ADARB2: variants seen among roughly 807,000 people sequenced by gnomAD.
ADARB2 encodes adenosine deaminase RNA specific B2 (inactive).
Under a neutral mutation model 62.2 loss-of-function variants are expected in ADARB2, and 25 were observed. That is an observed-to-expected ratio of 0.40 (90% confidence interval 0.29 to 0.56). The LOEUF (loss-of-function observed/expected upper bound fraction) is 0.56. Among genes scored for constraint, ADARB2 ranks in the 20% least tolerant of loss-of-function variants. The pLI is 0.43. For synonymous variants in ADARB2, 572 were observed against 500.8 expected, an observed-to-expected ratio of 1.14 and a Z score of -1.90; for missense variants, 1,071 against 1,077.4, an observed-to-expected ratio of 0.99 and a Z score of 0.08.
chr10:1,580,464 C>T (rs55647518), intron 1 of ADARB2, among the ~76,000 whole-genome samples: 2,968 of 148,858 alleles, frequency 0.02, 77 homozygotes, highest in African/African-American at 0.063. Context: ...TATCTCTTCA[C>T]GGGTCTTTCT....
rs906932430 is a variant in ADARB2 at position 1,362,963 on chromosome 10, A to G, written c.1077+65T>C. On this transcript the variant is annotated intron_variant, in intron 3 of 9. Transcript: ENST00000381312. ...GCCTGGACGCCACTCCCAACAGGGA[A>G]AGGTCGGGGTCTCCCCCGCGCCCCC... 1.7e-5 allele frequency: 21 copies of G among 1,246,078 alleles called. No individual in the cohort carries two copies. In the African/African-American group the frequency reaches 2.8e-4, roughly 17 times the overall value. The allele number at this position is 1,246,078 out of a possible 1,614,324, so 77.2% of individuals were successfully genotyped here.
chr10:1,477,997 T>C lies in ADARB2; in HGVS notation c.101-98837A>G, dbSNP rs1831423460. ...GGTAAACTGTCCCACTGTGTGCCTG[T>C]GCTTGGGTTCTCTCCCTGTGAAAAA... is the stretch of plus-strand genomic sequence containing the variant. On this transcript the variant is annotated intron_variant, in intron 1 of 9. Transcript: ENST00000381312. The surrounding 1 kb of genome is among the most constrained non-coding windows in gnomAD (Gnocchi z 4.5). Among the ~76,000 whole-genome samples, 1 of 152,150 alleles carries C rather than the reference T, an allele frequency of 6.6e-6. No homozygotes were observed. Among genetic ancestry groups the C allele is most frequent in the Non-Finnish European group, 1.5e-5 (1 of 68,038 alleles).
At chr10:1,560,466 G>A (rs1056507980) in intron 1 of ADARB2, among the ~76,000 whole-genome samples, 6 of 80,612 alleles carry the variant, frequency 7.4e-5, no homozygotes, top group African/African-American at 1.6e-4. Context: ...GTGAACACAC[G>A]GGGGGCACCC....
chr10:1,325,826 C>G (rs552901511), intron 3 of ADARB2, among the ~76,000 whole-genome samples: 2 of 152,236 alleles, frequency 1.3e-5, no homozygotes, highest in South Asian at 2.1e-4. Flanking sequence ...TAAGAGCCAT[C>G]GACTGCCATT....
chr10:1,527,867 G>A (rs1240380911), intron 1 of ADARB2, among the ~76,000 whole-genome samples: 1 of 152,106 alleles, frequency 6.6e-6, no homozygotes, highest in Non-Finnish European at 1.5e-5. Flanking sequence ...ATGAGGGATG[G>A]GTCTTTGCTG....
In ADARB2 at chr10:1,363,921, G is replaced by C; in HGVS notation, c.188-4C>G. 1 of 1,463,636 alleles carries C rather than the reference G, an allele frequency of 6.8e-7. No individual in the cohort carries two copies. The highest frequency in any genetic ancestry group is 8.9e-7 in the Non-Finnish European group (1 of 1,119,126). 90.7% of individuals were successfully genotyped at this position (1,463,636 alleles called of 1,614,324 possible). A position where few individuals can be genotyped will look rare whatever the true frequency, so the allele number is the denominator to read the frequency against. On this transcript the variant is annotated splice_region_variant and splice_polypyrimidine_tract_variant and intron_variant, in intron 2 of 9. Coordinates refer to ENST00000381312, the MANE Select transcript of ADARB2 (RefSeq NM_018702.4). ...TTCACCTCCGCGCTGCTGGTACCTG[G>C]AGGGGAGAACAGACCAGTCAGGAGC...
intron 1 of ADARB2, among the ~76,000 whole-genome samples, chr10:1,411,944 AC>A (rs1253970400): frequency 6.6e-6 from 1 of 152,206 alleles, no homozygotes; most frequent in African/African-American, 2.4e-5. Context: ...GCTATTTAAA[AC>A]AGCCTTTACT....
chr10:1,341,344 C>A (rs1260718446), intron 3 of ADARB2, among the ~76,000 whole-genome samples: 1 of 147,790 alleles, frequency 6.8e-6, no homozygotes, highest in South Asian at 2.2e-4. Context: ...CAGAGAACAA[C>A]GTGCCCTGCA....
intron 3 of ADARB2, chr10:1,361,012 A>C (rs1832247933): frequency 6.6e-6 from 1 of 152,300 alleles, no homozygotes; most frequent in African/African-American, 2.4e-5. Flanking sequence ...TGCTTAACAG[A>C]TTCAACAGAA....
intron 1 of ADARB2, 26 bp downstream of exon 1, chr10:1,737,025 G>T (rs761966777): frequency 6.2e-7 from 1 of 1,607,008 alleles, no homozygotes; most frequent in South Asian, 1.1e-5. Context: ...AGGGGGGCAG[G>T]GGCCGGCGCG....
chr10:1,430,523 T>G (rs1456435168), intron 1 of ADARB2, among the ~76,000 whole-genome samples: 1 of 152,164 alleles, frequency 6.6e-6, no homozygotes, highest in African/African-American at 2.4e-5. Flanking sequence ...TAAATTACAA[T>G]GACATATATG....
chr10:1,549,269 G>A (rs1002642447), intron 1 of ADARB2, among the ~76,000 whole-genome samples: 2 of 152,140 alleles, frequency 1.3e-5, no homozygotes, highest in Admixed American at 6.5e-5. Context: ...AGCAGACATG[G>A]CTGAGTGTGT....
chr10:1,542,361 G>A lies in ADARB2; in HGVS notation c.101-163201C>T, dbSNP rs1238646450. 3.8e-4 allele frequency among the ~76,000 whole-genome samples: 4 copies of A among 10,426 alleles called. 1 individual carries two copies. Among genetic ancestry groups the A allele is most frequent in the African/African-American group, 1.2e-3 (4 of 3,402 alleles). 6.8% of individuals were successfully genotyped at this position (10,426 alleles called of 152,430 possible). A position where few individuals can be genotyped will look rare whatever the true frequency, so the allele number is the denominator to read the frequency against. On this transcript the variant is annotated intron_variant, in intron 1 of 9. Coordinates refer to ENST00000381312, the MANE Select transcript of ADARB2 (RefSeq NM_018702.4). Reference sequence around the variant, plus strand: ...GCAGTTCAGACCCTGGATCACAGCCGTCCAGACTCCACTCAGACTCAGTTC... The same window carrying A: ...GCAGTTCAGACCCTGGATCACAGCCATCCAGACTCCACTCAGACTCAGTTC...
intron 6 of ADARB2, among the ~76,000 whole-genome samples, chr10:1,232,563 CTA>C (rs1830817470): frequency 7.3e-6 from 1 of 137,218 alleles, no homozygotes. Flanking sequence ...GGTGTATGTG[CTA>C]TGTGTGTGGT....
chr10:1,430,008 A>G (rs1208910932), intron 1 of ADARB2, among the ~76,000 whole-genome samples: 1 of 152,244 alleles, frequency 6.6e-6, no homozygotes, highest in Non-Finnish European at 1.5e-5. Context: ...GGAAAGAACA[A>G]CATTGAAATG....
intron 1 of ADARB2, among the ~76,000 whole-genome samples, chr10:1,417,456 A>C (rs1008361783): frequency 6.6e-6 from 1 of 152,190 alleles, no homozygotes. Context: ...TGCATTAATT[A>C]TCTTACTGAC....
Position 1,263,873 on chromosome 10 carries a change from C to T in ADARB2, c.1192+7082G>A, listed in dbSNP as rs530380159. ...TAAATGTTCGGGTGGAACAAATGTC[C>T]AGTCATTGATTTTCTTTTCCTCTCC... On this transcript the variant is annotated intron_variant, in intron 4 of 9. Coordinates refer to ENST00000381312, the MANE Select transcript of ADARB2 (RefSeq NM_018702.4). Among the ~76,000 whole-genome samples the T allele has an allele frequency of 3.9e-5, 6 of 152,222 alleles. No individual in the cohort carries two copies. The East Asian group carries it at 1.2e-3, about 29-fold the overall frequency.
At chr10:1,734,304 T>G (rs1835273567) in intron 1 of ADARB2, among the ~76,000 whole-genome samples, 1 of 151,650 alleles carries the variant, frequency 6.6e-6, no homozygotes, top group Admixed American at 6.6e-5. Flanking sequence ...GTGTTTTTTT[T>G]TTTTTTTTTT....
At chr10:1,549,868 C>T (rs916392084) in intron 1 of ADARB2, among the ~76,000 whole-genome samples, 1 of 152,194 alleles carries the variant, frequency 6.6e-6, no homozygotes, top group Non-Finnish European at 1.5e-5. Flanking sequence ...CTCTCACCCC[C>T]TCTCCTGGGT....
Sources: gnomAD v4.1 joint callset for allele counts (sites outside exome capture counted in the v4.1 genomes callset) on GRCh38, gnomAD v4.1.1 for gene constraint, Gnocchi (gnomAD v3.1) non-coding constraint, MANE v1.5 for transcripts, NCBI Gene and HGNC (gene_info 2026-07-23, HGNC 2026-07-21) for gene names.